Variants in ROBO1 observed in about 807,000 individuals in gnomAD.
The protein encoded by ROBO1 is roundabout homolog 1.
A neutral mutation model predicts 195.9 loss-of-function variants in ROBO1; 149 were observed. That is an observed-to-expected ratio of 0.76 (90% CI 0.67 to 0.87). ROBO1 has a LOEUF of 0.87. Among genes scored for constraint, ROBO1 ranks in the 40% least tolerant of loss-of-function variants. ROBO1 has a pLI of 0.00. For synonymous variants in ROBO1, 816 were observed against 733.2 expected (o/e 1.11, Z -1.82); for missense variants, 1,933 against 2,068.3 (o/e 0.93, Z 1.27).
intron 4 of ROBO1, among the ~76,000 whole-genome samples, chr3:78,884,863 T>TC (rs1491102774): frequency 7.5e-6 from 1 of 133,888 alleles, no homozygotes; most frequent in Non-Finnish European, 1.7e-5. Flanking sequence ...TCTCTCTCTC[T>TC]TTCTGTGTGT....
At chr3:79,518,798 A>G (rs1005442118) in intron 2 of ROBO1, among the ~76,000 whole-genome samples, 1 of 151,382 alleles carries the variant, frequency 6.6e-6, no homozygotes, top group Non-Finnish European at 1.5e-5. Flanking sequence ...CAGACTCCCA[A>G]GTAGCTGGGA....
intron 3 of ROBO1, among the ~76,000 whole-genome samples, chr3:79,042,006 AC>A (rs1043301961): frequency 2.5e-4 from 38 of 152,288 alleles, no homozygotes; most frequent in African/African-American, 9.1e-4. Context: ...GTTTGGTAAC[AC>A]CCAAGGGAGG....
intron 2 of ROBO1, among the ~76,000 whole-genome samples, chr3:79,565,151 C>T (rs1347494130): frequency 6.6e-6 from 1 of 152,048 alleles, no homozygotes; most frequent in African/African-American, 2.4e-5. Flanking sequence ...AGAATCATTG[C>T]TAATGGTAGA....
intron 3 of ROBO1, among the ~76,000 whole-genome samples, chr3:79,063,048 G>C (rs186987119): frequency 2.0e-5 from 3 of 151,906 alleles, no homozygotes; most frequent in Admixed American, 2.0e-4. Context: ...TACAGGGCAG[G>C]ATAGTAAACA....
At chr3:79,341,477 C>T (rs1225588945) in intron 2 of ROBO1, among the ~76,000 whole-genome samples, 1 of 151,836 alleles carries the variant, frequency 6.6e-6, no homozygotes, top group Admixed American at 6.6e-5. Context: ...TTTCTATTCA[C>T]TAATTTACCA....
chr3:79,408,739 G>T (rs2037652488), intron 2 of ROBO1, among the ~76,000 whole-genome samples: 1 of 152,040 alleles, frequency 6.6e-6, no homozygotes, highest in Non-Finnish European at 1.5e-5. Context: ...AAATAATTAA[G>T]TTTTAAAGGG....
chr3:78,617,811 G>A lies in ROBO1; in HGVS notation c.4106C>T (p.Ser1369Phe). ...VGDLESSVTG[S>F]MINGWGSASE... Reference sequence around the variant, plus strand: ...GGCTGAGCCCCAGCCGTTGATCATGGACCCCGTGACAGAGCTCTCCAGGTC... The same window carrying A: ...GGCTGAGCCCCAGCCGTTGATCATGAACCCCGTGACAGAGCTCTCCAGGTC... Residue 1369 changes from serine (S) to phenylalanine (F), a missense_variant, in exon 27 of 31, where the codon TCC (serine) becomes TTC (phenylalanine). By Grantham distance (155) the Ser-to-Phe change is radical. Around this residue, in one of 3 missense-constraint regions of ROBO1, gnomAD observed 1,737 missense variants for 1,882.5 expected, o/e 0.92. Coordinates refer to ENST00000464233, the MANE Select transcript of ROBO1 (RefSeq NM_002941.4). 6.2e-7 allele frequency: 1 copy of A among 1,613,932 alleles called. No individual in the cohort carries two copies. Among genetic ancestry groups the A allele is most frequent in the Non-Finnish European group, 8.5e-7 (1 of 1,179,878 alleles).
chr3:79,453,846 T>C (rs536645221), intron 2 of ROBO1, among the ~76,000 whole-genome samples: 1 of 152,250 alleles, frequency 6.6e-6, no homozygotes, highest in East Asian at 1.9e-4. Context: ...TAGTTCATTG[T>C]CCTGTAATGG....
At chr3:79,605,730 G>C (rs2107889323) in intron 1 of ROBO1, among the ~76,000 whole-genome samples, 1 of 151,782 alleles carries the variant, frequency 6.6e-6, no homozygotes, top group South Asian at 2.1e-4. Context: ...CCCATTCATT[G>C]CATCTCTAAA....
chr3:79,646,122 C>T (rs918108141), intron 1 of ROBO1, among the ~76,000 whole-genome samples: 1 of 151,854 alleles, frequency 6.6e-6, no homozygotes, highest in Non-Finnish European at 1.5e-5. Context: ...GCTAAGGAAA[C>T]AATCAATAAA....
intron 3 of ROBO1, among the ~76,000 whole-genome samples, chr3:78,961,014 C>T (rs2041318111): frequency 6.6e-6 from 1 of 152,032 alleles, no homozygotes; most frequent in Non-Finnish European, 1.5e-5. Context: ...CTTATTTATG[C>T]CACTTTTCAG....
intron 23 of ROBO1, among the ~76,000 whole-genome samples, chr3:78,635,035 T>C (rs1354445485): frequency 6.6e-6 from 1 of 152,116 alleles, no homozygotes; most frequent in African/African-American, 2.4e-5. Context: ...CTGGTTTTCC[T>C]AGAGGTATAA....
intron 2 of ROBO1, among the ~76,000 whole-genome samples, chr3:79,412,711 C>A (rs1176543850): frequency 6.6e-6 from 1 of 151,800 alleles, no homozygotes; most frequent in Middle Eastern, 3.2e-3. Context: ...AGACAGTATG[C>A]CAAAAATATT....
rs1705707766 is a variant in ROBO1 at position 78,638,638 on chromosome 3, G to A, written c.3037+1106C>T. 2.0e-5 allele frequency among the ~76,000 whole-genome samples: 3 copies of A among 152,090 alleles called. No homozygotes were observed. In the South Asian group the frequency reaches 6.2e-4, roughly 32 times the overall value. ...TAATCCCAACACTTTGGGAGGCTGA[G>A]GCAGGAGGGCTGCCTGAGCCCAGGA... On this transcript the variant is annotated intron_variant, in intron 22 of 30. Transcript: ENST00000464233.
chr3:78,688,810 A>G (rs1188849392), intron 8 of ROBO1, 38 bp from the exon 9 acceptor site: 1 of 1,584,702 alleles, frequency 6.3e-7, no homozygotes, highest in Non-Finnish European at 8.6e-7. Context: ...AATTAAAAGC[A>G]CGTTGTTATT....
chr3:78,871,120 T>G, intron 4 of ROBO1, among the ~76,000 whole-genome samples: 1 of 152,178 alleles, frequency 6.6e-6, no homozygotes, highest in Non-Finnish European at 1.5e-5. Context: ...GCTTGTTTGA[T>G]TCCAAGAGTC....
At chr3:78,634,763 G>C (rs1401588003) in intron 23 of ROBO1, among the ~76,000 whole-genome samples, 1 of 151,976 alleles carries the variant, frequency 6.6e-6, no homozygotes, top group Non-Finnish European at 1.5e-5. Context: ...TATTAAATTG[G>C]GTTATTATAC....
chr3:78,991,999 A>G (rs568784293), intron 3 of ROBO1, among the ~76,000 whole-genome samples: 1 of 152,336 alleles, frequency 6.6e-6, no homozygotes, highest in South Asian at 2.1e-4. Context: ...TGTAGAAATT[A>G]AAAGTATGAC....
At chr3:79,727,995 C>T (rs1380667172) in intron 1 of ROBO1, among the ~76,000 whole-genome samples, 4 of 152,018 alleles carry the variant, frequency 2.6e-5, no homozygotes, top group African/African-American at 9.7e-5. Flanking sequence ...GATTAATGTT[C>T]TTTAAGACTT....
Sources: allele counts gnomAD v4.1 joint callset (sites outside exome capture counted in the v4.1 genomes callset), GRCh38; gene constraint gnomAD v4.1.1; regional missense constraint gnomAD v4.1.1; transcripts MANE v1.5; gene names NCBI Gene and HGNC (gene_info 2026-07-23, HGNC 2026-07-21).